CDH13: variants seen among roughly 807,000 people sequenced by gnomAD.
CDH13 encodes cadherin 13.
CDH13 carries 24 observed loss-of-function variants against 63.8 expected under a neutral mutation model. The observed-to-expected ratio is 0.38, with a 90% CI of 0.27 to 0.53. The LOEUF is 0.53. CDH13 is among the 20% of genes least tolerant of loss of function. The pLI is 0.85. For missense variants in CDH13, 1,049 were observed against 903.1 expected, an observed-to-expected ratio of 1.16 and a Z score of -2.07; for synonymous variants, 503 against 355.3, an observed-to-expected ratio of 1.42 and a Z score of -4.67.
At chr16:83,542,668 A>C (rs1052426853) in intron 7 of CDH13, among the ~76,000 whole-genome samples, 1 of 152,102 alleles carries the variant, frequency 6.6e-6, no homozygotes, top group Admixed American at 6.5e-5. Flanking sequence ...CCAGCTTCTG[A>C]TGTTTGCCAG....
At chr16:83,253,319 A>G (rs953154672) in intron 5 of CDH13, among the ~76,000 whole-genome samples, 3 of 152,188 alleles carry the variant, frequency 2.0e-5, no homozygotes, top group Admixed American at 6.5e-5. Context: ...TCGCACCTGC[A>G]GTGGATTCGA....
At chr16:83,300,816 C>G (rs1414849908) in intron 5 of CDH13, among the ~76,000 whole-genome samples, 1 of 152,012 alleles carries the variant, frequency 6.6e-6, no homozygotes, top group Non-Finnish European at 1.5e-5. Flanking sequence ...AAGATTTGTA[C>G]ATTTTACTGT....
At chr16:83,542,145 C>T (rs896537231) in intron 7 of CDH13, among the ~76,000 whole-genome samples, 1 of 152,218 alleles carries the variant, frequency 6.6e-6, no homozygotes, top group Non-Finnish European at 1.5e-5. Context: ...TTTAACAAGA[C>T]TCTCAGGTGA....
At chr16:83,255,149 A>G (rs2151829581) in intron 5 of CDH13, among the ~76,000 whole-genome samples, 1 of 152,296 alleles carries the variant, frequency 6.6e-6, no homozygotes, top group South Asian at 2.1e-4. Context: ...TGACTCTAGA[A>G]TAAATTGACT....
chr16:83,585,805 C>T (rs1344565325), intron 7 of CDH13, among the ~76,000 whole-genome samples: 1 of 152,206 alleles, frequency 6.6e-6, no homozygotes, highest in South Asian at 2.1e-4. Flanking sequence ...AAATGGGCTC[C>T]CACGTGGAAT....
At chr16:83,335,713 G>A (rs961816694) in intron 5 of CDH13, among the ~76,000 whole-genome samples, 6 of 152,108 alleles carry the variant, frequency 3.9e-5, no homozygotes, top group African/African-American at 1.4e-4. Context: ...AAATTGTATA[G>A]AAAAGCACTG....
chr16:83,646,712 A>AAAAAACC lies in CDH13; in HGVS notation c.1102-24077_1102-24076insAAAACCA, dbSNP rs1168012793. On this transcript the variant is annotated intron_variant, in intron 8 of 13. Coordinates refer to ENST00000567109, the MANE Select transcript of CDH13 (RefSeq NM_001257.5). ...CGTCTCAAAAAAAAAAAAAAAAAAA[A>AAAAAACC]ACACACACACACACACACACACACA... 9.9e-5 allele frequency among the ~76,000 whole-genome samples: 8 copies of AAAAAACC among 80,490 alleles called. 1 individual carries two copies. The highest frequency in any genetic ancestry group is 2.0e-4 in the Non-Finnish European group (8 of 40,834). 52.8% of individuals were successfully genotyped at this position (80,490 alleles called of 152,430 possible).
At chr16:83,289,684 A>G (rs1055976514) in intron 5 of CDH13, among the ~76,000 whole-genome samples, 11 of 152,272 alleles carry the variant, frequency 7.2e-5, no homozygotes, top group South Asian at 6.2e-4. Flanking sequence ...TAGCTGGACC[A>G]TTTATCAGCT....
intron 6 of CDH13, among the ~76,000 whole-genome samples, chr16:83,447,072 A>C (rs1184680418): frequency 9.6e-5 from 12 of 125,148 alleles, no homozygotes; most frequent in African/African-American, 2.5e-4. Context: ...AAAAAAAAAA[A>C]AACAAAAAAC....
At chr16:82,911,043 C>T (rs376986992) in intron 2 of CDH13, among the ~76,000 whole-genome samples, 1 of 152,166 alleles carries the variant, frequency 6.6e-6, no homozygotes, top group East Asian at 1.9e-4. Context: ...CAGAGTAAGG[C>T]AGACCCATCC....
chr16:83,574,846 G>C (rs1904963007), intron 7 of CDH13, among the ~76,000 whole-genome samples: 1 of 152,082 alleles, frequency 6.6e-6, no homozygotes, highest in Admixed American at 6.5e-5. Flanking sequence ...ATGAACTCCA[G>C]TTTTAAAACT....
Position 82,765,531 on chromosome 16 carries a change from C to T in CDH13, c.46-92831C>T, listed in dbSNP as rs559517454. On this transcript the variant is annotated intron_variant, in intron 1 of 13. Transcript: ENST00000567109. ...ACCCCGTGAGCCTTCCTAGGGCTGGCGTTGATGATGCTGCTATCAATGGGG... is the reference window on the plus strand; with the variant it reads ...ACCCCGTGAGCCTTCCTAGGGCTGGTGTTGATGATGCTGCTATCAATGGGG... Among the ~76,000 whole-genome samples the T allele has an allele frequency of 3.3e-5, 5 of 152,220 alleles. No individual in the cohort carries two copies. In the East Asian group the frequency reaches 9.7e-4, roughly 29 times the overall value.
intron 6 of CDH13, among the ~76,000 whole-genome samples, chr16:83,352,891 A>G (rs922142612): frequency 4.6e-5 from 7 of 152,246 alleles, no homozygotes; most frequent in Non-Finnish European, 7.3e-5. Flanking sequence ...CTCCGTCTCA[A>G]AAAAATAAAT....
intron 2 of CDH13, among the ~76,000 whole-genome samples, chr16:82,994,513 T>G (rs1331297999): frequency 6.6e-6 from 1 of 152,164 alleles, no homozygotes; most frequent in Non-Finnish European, 1.5e-5. Context: ...CTCCCAACCT[T>G]TACTCAGCTA....
At chr16:83,135,728 C>T (rs1016820708) in intron 4 of CDH13, among the ~76,000 whole-genome samples, 11 of 152,280 alleles carry the variant, frequency 7.2e-5, no homozygotes, top group African/African-American at 2.2e-4. Flanking sequence ...TGCACACACA[C>T]GTTTATAGCA....
chr16:82,718,849 A>G (rs2032569507), intron 1 of CDH13, among the ~76,000 whole-genome samples: 1 of 152,192 alleles, frequency 6.6e-6, no homozygotes, highest in Admixed American at 6.5e-5. Context: ...GCTACAATTC[A>G]AGATGAAATT....
intron 2 of CDH13, among the ~76,000 whole-genome samples, chr16:82,998,560 C>A (rs1204693838): frequency 6.6e-6 from 1 of 152,120 alleles, no homozygotes; most frequent in African/African-American, 2.4e-5. Flanking sequence ...CATCTGTCCT[C>A]ACCTCTGCTT....
intron 7 of CDH13, among the ~76,000 whole-genome samples, chr16:83,549,513 C>T (rs1460513964): frequency 6.6e-6 from 1 of 152,046 alleles, no homozygotes; most frequent in Non-Finnish European, 1.5e-5. Context: ...CCTGCTTGTG[C>T]CCTCGAGGGT....
chr16:83,714,942 C>T (rs1009076155), intron 10 of CDH13, among the ~76,000 whole-genome samples: 2 of 152,126 alleles, frequency 1.3e-5, no homozygotes, highest in African/African-American at 4.8e-5. Flanking sequence ...AGTGTGTTGC[C>T]TCTGCCCATC....
Sources: gnomAD v4.1 joint callset for allele counts (sites outside exome capture counted in the v4.1 genomes callset) on GRCh38, gnomAD v4.1.1 for gene constraint, MANE v1.5 for transcripts, NCBI Gene and HGNC (gene_info 2026-07-23, HGNC 2026-07-21) for gene names.